Variants in EWSR1 observed in about 807,000 individuals in gnomAD.
EWSR1 encodes the protein RNA-binding protein EWS.
Under a neutral mutation model 92.1 loss-of-function variants are expected in EWSR1, and 14 were observed. The ratio of observed to expected loss-of-function variants is 0.15; its 90% CI spans 0.10 to 0.24. EWSR1 has a LOEUF of 0.24. EWSR1 is among the 10% of genes least tolerant of loss of function. EWSR1 has a pLI of 1.00. For synonymous variants in EWSR1, 303 were observed against 292.9 expected, an observed-to-expected ratio of 1.03 and a Z score of -0.35; for missense variants, 637 against 870.9, an observed-to-expected ratio of 0.73 and a Z score of 3.38.
At chr22:29,288,485 TA>T in intron 7 of EWSR1, 120 bp from the exon 8 acceptor site, 2 of 888,658 alleles carry the variant, frequency 2.3e-6, no homozygotes, top group South Asian at 2.0e-5. Flanking sequence ...TATCGTGATG[TA>T]AAGAAGATGG....
chr22:29,292,344 C>G lies in EWSR1; in HGVS notation c.1046-144C>G, dbSNP rs890134485. 5 of 939,026 alleles carry G rather than the reference C, an allele frequency of 5.3e-6. No individual in the cohort carries two copies. In the South Asian group the frequency reaches 7.4e-5, roughly 14 times the overall value. 58.2% of individuals were successfully genotyped at this position (939,026 alleles called of 1,614,324 possible). On this transcript the variant is annotated intron_variant, in intron 10 of 16. Coordinates refer to ENST00000397938, the MANE Select transcript of EWSR1 (RefSeq NM_005243.4). ...TCATAATTGCCTTAAGTGAAGTAAA[C>G]CAAAAGTTTGATAGCATTCTTCTTA...
chr22:29,277,088 A>G (rs1319741575), intron 4 of EWSR1: 3 of 229,312 alleles, frequency 1.3e-5, no homozygotes, highest in Non-Finnish European at 8.7e-6. Flanking sequence ...AGGGAAAGGC[A>G]TGGATCCTGC....
At chr22:29,268,624 TC>T (rs1354782644) in intron 1 of EWSR1, among the ~76,000 whole-genome samples, 1 of 152,092 alleles carries the variant, frequency 6.6e-6, no homozygotes, top group East Asian at 1.9e-4. Flanking sequence ...GTGGCGGTCC[TC>T]GCGCCCTGAG....
chr22:29,285,727 T>C (rs1415397830), intron 6 of EWSR1, among the ~76,000 whole-genome samples: 1 of 151,460 alleles, frequency 6.6e-6, no homozygotes, highest in Non-Finnish European at 1.5e-5. Context: ...CTCTATATTT[T>C]CTCAGTCCCC....
At chr22:29,288,896 C>G in intron 8 of EWSR1, 110 bp downstream of exon 8, 1 of 1,083,922 alleles carries the variant, frequency 9.2e-7, no homozygotes, top group East Asian at 2.8e-5. Flanking sequence ...TTTCCATGGA[C>G]AATCTGTTGA....
At chr22:29,269,617 C>CT (rs1229535213) in intron 1 of EWSR1, 1 of 152,212 alleles carries the variant, frequency 6.6e-6, no homozygotes, top group African/African-American at 2.4e-5. Context: ...AATCCAGCAA[C>CT]TTAAGGACAG....
chr22:29,276,091 A>G (rs1423686385), intron 4 of EWSR1: 1 of 231,900 alleles, frequency 4.3e-6, no homozygotes, highest in Non-Finnish European at 8.5e-6. Flanking sequence ...CTGTTGCTGC[A>G]TAGTTTTATG....
Position 29,272,205 on chromosome 22 carries a change from T to G in EWSR1, c.14-11T>G. 1 of 1,613,514 alleles carries G rather than the reference T, an allele frequency of 6.2e-7. No homozygotes were observed. The highest frequency in any genetic ancestry group is 8.5e-7 in the Non-Finnish European group (1 of 1,179,460). ...AACTTTACACTATTTTTCCTCCTTG[T>G]TTTCCTCTAGATTACAGTACCTATA... On this transcript the variant is annotated splice_polypyrimidine_tract_variant and intron_variant, in intron 1 of 16. Transcript: ENST00000397938.
chr22:29,298,056 C>A, intron 13 of EWSR1, 107 bp downstream of exon 13: 3 of 1,202,492 alleles, frequency 2.5e-6, no homozygotes, highest in Non-Finnish European at 3.5e-6. Flanking sequence ...TGTGTAGAGT[C>A]AATACTAGAC....
At chr22:29,299,900 A>C in intron 16 of EWSR1, 49 bp downstream of exon 16, 2 of 1,532,926 alleles carry the variant, frequency 1.3e-6, no homozygotes, top group South Asian at 2.5e-5. Flanking sequence ...CAGTAAGAGG[A>C]CAGCCCTTCC....
At chr22:29,273,518 T>G (rs1435828265) in intron 3 of EWSR1, among the ~76,000 whole-genome samples, 2 of 152,218 alleles carry the variant, frequency 1.3e-5, no homozygotes, top group Non-Finnish European at 2.9e-5. Context: ...ACTTACCTAA[T>G]GAGCTTTTTC....
At chr22:29,284,368 C>CT (rs2059856450) in intron 6 of EWSR1, among the ~76,000 whole-genome samples, 1 of 151,338 alleles carries the variant, frequency 6.6e-6, no homozygotes, top group South Asian at 2.1e-4. Flanking sequence ...TAGCGGTTCC[C>CT]TTTTTTGCAC....
chr22:29,288,534 T>C (rs948700743), intron 7 of EWSR1, 72 bp from the exon 8 acceptor site: 1 of 1,450,672 alleles, frequency 6.9e-7, no homozygotes. Flanking sequence ...GATTTTGTGA[T>C]TCCAGGAGAA....
At chr22:29,276,223 T>C in intron 4 of EWSR1, 1 of 230,432 alleles carries the variant, frequency 4.3e-6, no homozygotes, top group Non-Finnish European at 8.6e-6. Flanking sequence ...GTAGATGGTA[T>C]TAGATTCTAA....
chr22:29,277,975 T>C, intron 4 of EWSR1, 55 bp from the exon 5 acceptor site: 1 of 1,517,448 alleles, frequency 6.6e-7, no homozygotes, highest in Non-Finnish European at 9.1e-7. Context: ...ATAATGAGTG[T>C]CTAGGCAGAT....
Position 29,296,304 on chromosome 22 carries a change from A to T in EWSR1, c.1230A>T (p.Lys410Asn). The change falls in exon 12 of 17, where the codon AAA becomes AAT. Residue 410 changes from lysine to asparagine, a missense_variant. By Grantham distance (94) the Lys-to-Asn change is moderately conservative (BLOSUM62 0). Around this residue, in one of 5 missense-constraint regions of EWSR1, gnomAD observed 363 missense variants for 447.8 expected, o/e 0.81. Coordinates refer to ENST00000397938, the MANE Select transcript of EWSR1 (RefSeq NM_005243.4). Reference protein sequence around the residue: ...IYLDKETGKPKGDATVSYEDP... With the variant: ...IYLDKETGKPNGDATVSYEDP... ...TGGACAAGGAAACAGGAAAGCCCAA[A>T]GGCGATGCCACAGTGTCCTATGAAG... 1 of 1,614,234 alleles carries T rather than the reference A, an allele frequency of 6.2e-7. No homozygotes were observed. The highest frequency in any genetic ancestry group is 8.5e-7 in the Non-Finnish European group (1 of 1,180,022).
intron 4 of EWSR1, among the ~76,000 whole-genome samples, chr22:29,275,378 A>G (rs2059023234): frequency 6.6e-6 from 1 of 152,206 alleles, no homozygotes; most frequent in South Asian, 2.1e-4. Flanking sequence ...TCGTTGGTTG[A>G]GAAATCCCCA....
At chr22:29,296,142 A>G (rs146598952) in intron 11 of EWSR1, 97 bp from the exon 12 acceptor site, 14 of 1,223,974 alleles carry the variant, frequency 1.1e-5, no homozygotes, top group Non-Finnish European at 1.6e-5. Flanking sequence ...GACTTACTAC[A>G]TGTGAGAAAT....
At chr22:29,292,721 C>A in intron 11 of EWSR1, 115 bp downstream of exon 11, 1 of 564,536 alleles carries the variant, frequency 1.8e-6, no homozygotes, top group Non-Finnish European at 3.2e-6. Context: ...TGACTTCTTT[C>A]TAGGTATCTT....
Sources: allele counts gnomAD v4.1 joint callset (sites outside exome capture counted in the v4.1 genomes callset), GRCh38; gene constraint gnomAD v4.1.1; regional missense constraint gnomAD v4.1.1; transcripts MANE v1.5; gene names NCBI Gene and HGNC (gene_info 2026-07-23, HGNC 2026-07-21).